ARHGAP11B: variants seen among roughly 807,000 people sequenced by gnomAD.
ARHGAP11B encodes inactive Rho GTPase-activating protein 11B.
A neutral mutation model predicts 27.6 loss-of-function variants in ARHGAP11B; 14 were observed. The ratio of observed to expected loss-of-function variants is 0.51; its 90% confidence interval spans 0.34 to 0.79. The LOEUF (loss-of-function observed/expected upper bound fraction) is 0.79. Among genes scored for constraint, ARHGAP11B ranks in the 30% least tolerant of loss-of-function variants. The pLI is 0.02. For synonymous variants in ARHGAP11B, 82 were observed against 114.1 expected (o/e 0.72, Z 1.80); for missense variants, 245 against 320.1 (o/e 0.77, Z 1.79).
intron 1 of ARHGAP11B, 108 bp downstream of exon 1, chr15:30,627,057 G>A: frequency 2.0e-6 from 3 of 1,505,456 alleles, no homozygotes; most frequent in Non-Finnish European, 2.7e-6. Flanking sequence ...AAAAAGAATG[G>A]TTAGGTGTGT....
At chr15:30,645,042 T>C (rs1330821647) in intron 8 of ARHGAP11B, among the ~76,000 whole-genome samples, 3 of 151,078 alleles carry the variant, frequency 2.0e-5, no homozygotes, top group African/African-American at 4.9e-5. Context: ...GTGCACAGGG[T>C]TGGGGACAAC....
intron 7 of ARHGAP11B, among the ~76,000 whole-genome samples, chr15:30,639,118 C>G (rs2060299988): frequency 6.6e-6 from 1 of 151,968 alleles, no homozygotes; most frequent in African/African-American, 2.4e-5. Flanking sequence ...ATAGTTCAAC[C>G]TCATTTTTAT....
intron 1 of ARHGAP11B, among the ~76,000 whole-genome samples, chr15:30,628,634 A>G (rs752245953): frequency 1.3e-5 from 2 of 152,084 alleles, no homozygotes; most frequent in Non-Finnish European, 2.9e-5. Flanking sequence ...TAGTTGTCAT[A>G]TCATTGGTCT....
chr15:30,635,585 T>C, exon 6 of ARHGAP11B: 1 of 1,613,404 alleles, frequency 6.2e-7, no homozygotes, highest in East Asian at 2.2e-5. Flanking sequence ...AGAAGGTGAA[T>C]ATGAAACTCC....
chr15:30,643,549 G>T (rs559196221), intron 7 of ARHGAP11B, among the ~76,000 whole-genome samples: 5 of 152,090 alleles, frequency 3.3e-5, no homozygotes, highest in African/African-American at 7.2e-5. Flanking sequence ...AGTGCTGGGC[G>T]TACAGGCGTG....
chr15:30,632,275 G>A (rs1230655072), intron 2 of ARHGAP11B, among the ~76,000 whole-genome samples: 3 of 126,984 alleles, frequency 2.4e-5, no homozygotes, highest in Admixed American at 8.2e-5. Flanking sequence ...AGAAAAATTA[G>A]CTGGGCGTAG....
chr15:30,647,163 A>C (rs1311634023), intron 9 of ARHGAP11B, among the ~76,000 whole-genome samples: 1 of 151,780 alleles, frequency 6.6e-6, no homozygotes, highest in African/African-American at 2.4e-5. Flanking sequence ...ATCCTCTGGG[A>C]ATATTACGTT....
intron 1 of ARHGAP11B, among the ~76,000 whole-genome samples, chr15:30,629,837 A>G (rs552829429): frequency 3.3e-5 from 5 of 152,236 alleles, no homozygotes; most frequent in Admixed American, 3.3e-4. Flanking sequence ...TGTAAACTAA[A>G]TTAACATGTG....
At chr15:30,627,384 A>G (rs538625390) in intron 1 of ARHGAP11B, among the ~76,000 whole-genome samples, 1 of 151,986 alleles carries the variant, frequency 6.6e-6, no homozygotes, top group South Asian at 2.1e-4. Context: ...CAAAAACTCT[A>G]CCCCTCCACC....
intron 7 of ARHGAP11B, among the ~76,000 whole-genome samples, chr15:30,643,769 C>T (rs1458614420): frequency 1.3e-5 from 2 of 152,036 alleles, no homozygotes; most frequent in South Asian, 2.1e-4. Flanking sequence ...AAGAATACTG[C>T]AGTAAATACA....
rs773669422 is a variant in ARHGAP11B at position 30,635,152 on chromosome 15, A to G, written c.624A>G (p.Glu208=). ...CACCAAATCTTCTTCAGACAAGTGA[A>G]GGACATGAAAAGATGTCTTCTAACG... Residue 208 remains glutamate (E), a synonymous_variant, in exon 5 of 11, where the codon GAA becomes GAG. Coordinates refer to ENST00000428041, the Ensembl canonical transcript of ARHGAP11B. The G allele has an allele frequency of 2.5e-6, 4 of 1,613,500 alleles. No homozygotes were observed. In the South Asian group the frequency reaches 4.4e-5, roughly 18 times the overall value.
intron 8 of ARHGAP11B, among the ~76,000 whole-genome samples, chr15:30,645,277 G>A (rs1388444283): frequency 6.6e-6 from 1 of 151,710 alleles, no homozygotes; most frequent in Non-Finnish European, 1.5e-5. Context: ...TCAATTTGGG[G>A]AAAATTATTC....
At chr15:30,644,644 G>T in exon 8 of ARHGAP11B, 2 of 1,583,510 alleles carry the variant, frequency 1.3e-6, no homozygotes, top group Non-Finnish European at 1.7e-6. Context: ...CACAGATAAT[G>T]AAACAACCAC....
chr15:30,634,918 C>G (rs1195409478), intron 4 of ARHGAP11B, among the ~76,000 whole-genome samples, 162 bp from the exon 5 acceptor site: 1 of 151,680 alleles, frequency 6.6e-6, no homozygotes, highest in Non-Finnish European at 1.5e-5. Flanking sequence ...CTATATATTT[C>G]TGGTTCTTTC....
intron 2 of ARHGAP11B, among the ~76,000 whole-genome samples, chr15:30,631,369 A>T (rs1166915723): frequency 2.6e-5 from 4 of 151,950 alleles, no homozygotes; most frequent in African/African-American, 4.8e-5. Context: ...TTTGTTTGTT[A>T]AAAAAATATT....
chr15:30,646,168 T>C (rs972557993), exon 9 of ARHGAP11B: 2 of 1,068,772 alleles, frequency 1.9e-6, no homozygotes, highest in African/African-American at 1.7e-5. Flanking sequence ...TTGTAACAAG[T>C]GTGCTCGCAG....
rs967993156 is a variant in ARHGAP11B, at chr15:30,642,679, T to C, written c.*79-1960T>C. 1.4e-3 allele frequency among the ~76,000 whole-genome samples: 218 copies of C among 152,106 alleles called. 1 individual carries two copies. The highest frequency in any genetic ancestry group is 5.2e-3 in the African/African-American group (214 of 41,528). On this transcript the variant is annotated intron_variant, in intron 7 of 10. Transcript: ENST00000428041. ...TCAGAGCCTAAAGCCATTTAGTAAG[T>C]GATGGAGCAAACTCAAGCCTGTCTC...
intron 2 of ARHGAP11B, among the ~76,000 whole-genome samples, chr15:30,631,617 T>A (rs1055748843): frequency 6.6e-6 from 1 of 152,106 alleles, no homozygotes; most frequent in Non-Finnish European, 1.5e-5. Flanking sequence ...CAGTGAGCTA[T>A]GCTCATTGCC....
chr15:30,646,983 A>G (rs2060353352), intron 9 of ARHGAP11B, among the ~76,000 whole-genome samples: 1 of 151,876 alleles, frequency 6.6e-6, no homozygotes, highest in Admixed American at 6.6e-5. Context: ...ACAAAACAAA[A>G]CAAAACGTGA....
Sources: allele counts gnomAD v4.1 joint callset (sites outside exome capture counted in the v4.1 genomes callset), GRCh38; gene constraint gnomAD v4.1.1; transcripts MANE v1.5; gene names NCBI Gene and HGNC (gene_info 2026-07-23, HGNC 2026-07-21).